Variants in ZNF664 observed in about 807,000 individuals in gnomAD.
ZNF664 encodes zinc finger Organ of Corti 1.
Under a neutral mutation model 18.2 loss-of-function variants are expected in ZNF664, and 10 were observed. That is an observed-to-expected ratio of 0.55 (90% CI 0.34 to 0.93). The LOEUF is 0.93. Ranked by LOEUF, ZNF664 falls within the 40% of genes least tolerant of loss-of-function variation. The pLI is 0.02. For synonymous variants in ZNF664, 119 were observed against 104.2 expected (o/e 1.14, Z -0.86); for missense variants, 193 against 319.0 (o/e 0.61, Z 3.01).
In ZNF664 at chr12:123,973,224, C is replaced by T. The variant is rs1356218587; in HGVS notation, c.-1020C>T. On this transcript the variant is annotated 5_prime_UTR_variant, in exon 1 of 5. Transcript: ENST00000337815. ...TCGTGCGTGCGCACGCGCGCTGTCC[C>T]CCGGAGGCGTCTGGGTGTGCGGAGC... 1.0e-6 allele frequency: 1 copy of T among 986,528 alleles called. No individual in the cohort carries two copies. The highest frequency in any genetic ancestry group is 1.8e-5 in the African/African-American group (1 of 56,482). 61.1% of individuals were successfully genotyped at this position (986,528 alleles called of 1,614,324 possible).
chr12:123,999,916 G>A (rs1289622409), intron 3 of ZNF664, among the ~76,000 whole-genome samples: 1 of 152,214 alleles, frequency 6.6e-6, no homozygotes, highest in Non-Finnish European at 1.5e-5. Context: ...GGTCACACAA[G>A]CATTCCTGAG....
chr12:123,977,235 G>A (rs1490080182), intron 2 of ZNF664, among the ~76,000 whole-genome samples: 2 of 152,014 alleles, frequency 1.3e-5, no homozygotes, highest in South Asian at 2.1e-4. Context: ...TTAAAAATTG[G>A]GACATTATTT....
chr12:124,012,446 A>G lies in ZNF664; in HGVS notation c.302A>G (p.His101Arg). ...GGCAAAGCCTTCAATTGGAGCTCCC[A>G]TCTTCAAATTCATATGAGAGTTCAT... The part of the protein sequence containing the change: ...ECGKAFNWSS[H>R]LQIHMRVHTG... Residue 101 changes from histidine (H) to arginine (R), a missense_variant, in exon 5 of 5, where the codon CAT becomes CGT. His to Arg is a conservative substitution (Grantham distance 29). This residue lies in a region of ZNF664 where 61 missense variants were observed against 153.7 expected (regional missense o/e 0.40). Transcript: ENST00000337815. 6.2e-7 allele frequency: 1 copy of G among 1,614,218 alleles called. No homozygotes were observed. The highest frequency in any genetic ancestry group is 8.5e-7 in the Non-Finnish European group (1 of 1,180,050).
intron 3 of ZNF664, among the ~76,000 whole-genome samples, chr12:123,989,150 C>T (rs758595213): frequency 6.6e-6 from 1 of 152,132 alleles, no homozygotes; most frequent in Non-Finnish European, 1.5e-5. Flanking sequence ...AGTGACTGTG[C>T]GTTGTTAGAA....
intron 2 of ZNF664, among the ~76,000 whole-genome samples, chr12:123,985,771 G>A (rs1280745408): frequency 6.6e-6 from 1 of 152,144 alleles, no homozygotes; most frequent in African/African-American, 2.4e-5. Context: ...CGCTGCTGTG[G>A]GACTGGTGCG....
chr12:124,010,570 G>A (rs935267385), intron 3 of ZNF664, among the ~76,000 whole-genome samples: 1 of 152,188 alleles, frequency 6.6e-6, no homozygotes, highest in Non-Finnish European at 1.5e-5. Context: ...CCAGAATGAA[G>A]CAGGATATGT....
At position 124,012,609 on chromosome 12, in the gene ZNF664, C is replaced by T. The variant is rs1397392705; in HGVS notation, c.465C>T (p.Thr155=). ...CEECGKAFRH[T]SSLCMHQRVH... is the part of the protein sequence containing the mutation. ...AGTGTGGGAAGGCCTTCAGGCACAC[C>T]TCCAGCCTCTGCATGCATCAAAGAG... The change falls in exon 5 of 5, where the codon ACC becomes ACT. Residue 155 remains threonine, a synonymous_variant. Transcript: ENST00000337815. 1 of 1,613,690 alleles carries T rather than the reference C, an allele frequency of 6.2e-7. No homozygotes were observed. Among genetic ancestry groups the T allele is most frequent in the African/African-American group, 1.3e-5 (1 of 74,862 alleles).
chr12:123,994,319 G>A (rs576716510), intron 3 of ZNF664, among the ~76,000 whole-genome samples: 89 of 152,192 alleles, frequency 5.8e-4, no homozygotes, highest in African/African-American at 2.1e-3. Context: ...AGTTTATGTG[G>A]GTTGCAGGCT....
intron 2 of ZNF664, among the ~76,000 whole-genome samples, chr12:123,985,702 T>G (rs1177531765): frequency 2.6e-5 from 4 of 152,236 alleles, no homozygotes; most frequent in Non-Finnish European, 5.9e-5. Flanking sequence ...GCGTACAGTT[T>G]AAGCATACAC....
chr12:124,008,749 C>T (rs913442023), intron 3 of ZNF664, among the ~76,000 whole-genome samples: 15 of 152,268 alleles, frequency 9.9e-5, no homozygotes, highest in African/African-American at 2.9e-4. Flanking sequence ...ATATTGAATG[C>T]GTCTCACTCA....
In ZNF664 at chr12:124,015,361, C is replaced by T. The variant is rs894088561; in HGVS notation, c.*2431C>T. 2.4e-5 allele frequency: 4 copies of T among 166,810 alleles called. No individual in the cohort carries two copies. Among genetic ancestry groups the T allele is most frequent in the African/African-American group, 9.7e-5 (4 of 41,434 alleles). 10.3% of individuals were successfully genotyped at this position (166,810 alleles called of 1,614,324 possible). On this transcript the variant is annotated 3_prime_UTR_variant, in exon 5 of 5. Coordinates refer to ENST00000337815, the MANE Select transcript of ZNF664 (RefSeq NM_152437.3). ...GAGCTTTAAAGTCCATAATTGTTAT[C>T]TTCAGAAAATATTATTTGACCTACA...
chr12:124,001,703 T>A (rs908420508), intron 3 of ZNF664, among the ~76,000 whole-genome samples: 47 of 152,216 alleles, frequency 3.1e-4, no homozygotes, highest in African/African-American at 1.1e-3. Context: ...GCATTTCACA[T>A]AGATTTATTT....
chr12:123,999,921 C>T (rs1956992055), intron 3 of ZNF664, among the ~76,000 whole-genome samples: 1 of 152,192 alleles, frequency 6.6e-6, no homozygotes, highest in Admixed American at 6.5e-5. Flanking sequence ...CACAAGCATT[C>T]CTGAGGCTTG....
chr12:123,997,125 CTTTTTTTGGACG>C (rs1275635736), intron 3 of ZNF664, among the ~76,000 whole-genome samples: 3 of 152,128 alleles, frequency 2.0e-5, no homozygotes, highest in African/African-American at 7.2e-5. Context: ...TCTGCAACTT[CTTTTTTTGGACG>C]TGATTAAAGG....
intron 3 of ZNF664, among the ~76,000 whole-genome samples, chr12:123,993,051 G>C (rs1015522278): frequency 6.6e-5 from 10 of 152,202 alleles, no homozygotes; most frequent in African/African-American, 2.2e-4. Context: ...GGTGCTGTCG[G>C]CTGGAGGAGA....
chr12:124,001,499 C>T (rs1322835035), intron 3 of ZNF664, among the ~76,000 whole-genome samples: 1 of 152,174 alleles, frequency 6.6e-6, no homozygotes, highest in Non-Finnish European at 1.5e-5. Context: ...TGCCTCCTGC[C>T]CCTCACCATG....
intron 2 of ZNF664, among the ~76,000 whole-genome samples, chr12:123,976,997 G>A (rs78348539): frequency 6.6e-6 from 1 of 152,036 alleles, no homozygotes; most frequent in Non-Finnish European, 1.5e-5. Context: ...GGAGAATGGC[G>A]TGAACCCGGG....
chr12:123,974,979 C>A (rs576849197), intron 2 of ZNF664, among the ~76,000 whole-genome samples: 6 of 152,290 alleles, frequency 3.9e-5, no homozygotes, highest in South Asian at 2.1e-4. Context: ...TGATGAAGTT[C>A]TCTTTTGGTT....
In ZNF664 at chr12:124,014,171, T is replaced by TGGTGG. The variant is rs964781605; in HGVS notation, c.*1254_*1258dup. 2 of 47,554 alleles carry TGGTGG rather than the reference T, an allele frequency of 4.2e-5. No homozygotes were observed. The highest frequency in any genetic ancestry group is 4.6e-4 in the Admixed American group (1 of 2,154). 2.9% of individuals were successfully genotyped at this position (47,554 alleles called of 1,614,324 possible). A position where few individuals can be genotyped will look rare whatever the true frequency, so the allele number is the denominator to read the frequency against. Reference sequence around the variant, plus strand: ...AAATAAACTAGGGTGATGATTTTAGTGGTGGGGTGGGGTGGGGGTGGGGTG... The same window carrying TGGTGG: ...AAATAAACTAGGGTGATGATTTTAGTGGTGGGGTGGGGTGGGGTGGGGGTGGGGTG... On this transcript the variant is annotated 3_prime_UTR_variant, in exon 5 of 5. Coordinates refer to ENST00000337815, the MANE Select transcript of ZNF664 (RefSeq NM_152437.3).
Sources: gnomAD v4.1 joint callset for allele counts (sites outside exome capture counted in the v4.1 genomes callset) on GRCh38, gnomAD v4.1.1 for gene constraint, gnomAD v4.1.1 regional missense constraint, MANE v1.5 for transcripts, NCBI Gene and HGNC (gene_info 2026-07-23, HGNC 2026-07-21) for gene names.